Variants in ARL6IP6 observed in about 807,000 individuals in gnomAD.
ARL6IP6 encodes ARF like GTPase 6 interacting protein 6, also known as ADP-ribosylation factor-like protein 6-interacting protein 6.
A neutral mutation model predicts 21.5 loss-of-function variants in ARL6IP6; 22 were observed. The ratio of observed to expected loss-of-function variants is 1.02; its 90% CI spans 0.73 to 1.46. The LOEUF is 1.46. ARL6IP6 is among the 40% of genes most tolerant of loss of function. The probability of loss-of-function intolerance (pLI) is 0.00; values close to 1 mark genes in which losing one functional copy is unlikely to be tolerated. For synonymous variants in ARL6IP6, 164 were observed against 125.3 expected (o/e 1.31, Z -2.06); for missense variants, 388 against 299.8 (o/e 1.29, Z -2.17).
intron 3 of ARL6IP6, among the ~76,000 whole-genome samples, chr2:152,752,052 T>A (rs944393184): frequency 6.6e-6 from 1 of 152,230 alleles, no homozygotes; most frequent in African/African-American, 2.4e-5. Flanking sequence ...TTGATCTAAA[T>A]TACGTAATAA....
intron 2 of ARL6IP6, among the ~76,000 whole-genome samples, chr2:152,734,206 G>T (rs546954091): frequency 6.6e-6 from 1 of 151,742 alleles, no homozygotes; most frequent in South Asian, 2.1e-4. Flanking sequence ...TTATAATATT[G>T]TTCTTTTGAC....
chr2:152,717,736 T>A, upstream of ARL6IP6: 1 of 1,314,862 alleles, frequency 7.6e-7, no homozygotes, highest in Non-Finnish European at 9.8e-7. Flanking sequence ...GTGTCCCAGC[T>A]TCCCGAGCTT....
intron 3 of ARL6IP6, among the ~76,000 whole-genome samples, chr2:152,751,068 T>TA (rs2105176778): frequency 6.6e-6 from 1 of 152,352 alleles, no homozygotes; most frequent in Non-Finnish European, 1.5e-5. Context: ...TTTTTTCTTT[T>TA]ACCTCATTCA....
At chr2:152,721,425 T>C (rs1451396225) in intron 2 of ARL6IP6, among the ~76,000 whole-genome samples, 1 of 152,038 alleles carries the variant, frequency 6.6e-6, no homozygotes, top group Non-Finnish European at 1.5e-5. Flanking sequence ...GTTTCTGCAG[T>C]GTCTGTAGAA....
intron 3 of ARL6IP6, among the ~76,000 whole-genome samples, chr2:152,745,852 AAAGTACATGCATATTGTGT>A (rs1559238302): frequency 6.6e-6 from 1 of 152,136 alleles, no homozygotes; most frequent in African/African-American, 2.4e-5. Flanking sequence ...GTAAAGGGTT[AAAGTACATGCATATTGTGT>A]AAGATATATT....
chr2:152,718,591 C>G, upstream of ARL6IP6: 1 of 1,501,632 alleles, frequency 6.7e-7, no homozygotes, highest in Admixed American at 2.3e-5. Context: ...GTGGGAGAGG[C>G]TCGTTCTCCG....
At chr2:152,718,278 C>T, upstream of ARL6IP6, 2 of 275,080 alleles carry the variant, frequency 7.3e-6, no homozygotes, top group Non-Finnish European at 1.2e-5. Flanking sequence ...TCGGGGCGCG[C>T]GCTCCCGTTG....
intron 1 of ARL6IP6, 138 bp from the exon 2 acceptor site, chr2:152,720,395 A>T: frequency 1.3e-6 from 1 of 781,046 alleles, no homozygotes; most frequent in Non-Finnish European, 2.2e-6. Flanking sequence ...CATAGCTGGT[A>T]AATTGAATCA....
At chr2:152,730,088 T>C (rs1700237478) in intron 2 of ARL6IP6, among the ~76,000 whole-genome samples, 1 of 152,202 alleles carries the variant, frequency 6.6e-6, no homozygotes, top group Non-Finnish European at 1.5e-5. Flanking sequence ...ACCCCTATCA[T>C]TGTGACCTGA....
intron 2 of ARL6IP6, among the ~76,000 whole-genome samples, chr2:152,733,713 A>C (rs757521971): frequency 6.6e-6 from 1 of 152,152 alleles, no homozygotes; most frequent in African/African-American, 2.4e-5. Context: ...ATATGCTTAC[A>C]TTTTCCATCT....
At chr2:152,719,769 AAAAAAC>A (rs1559219921) in intron 1 of ARL6IP6, 9 of 322,084 alleles carry the variant, frequency 2.8e-5, no homozygotes, top group African/African-American at 5.3e-5. Context: ...AAAAAAAAAA[AAAAAAC>A]AAAAGAACTT....
Position 152,762,094 on chromosome 2 carries a change from ACT to A in ARL6IP6, c.*2257_*2258del, listed in dbSNP as rs1218372701. On this transcript the variant is annotated 3_prime_UTR_variant, in exon 4 of 4. Transcript: ENST00000326446. ...ATGATTAGGCAAGGATAGTCACCTAACTCTGGCTGAGCTAATCCTAATCTCAT... is the reference window on the plus strand; with the variant it reads ...ATGATTAGGCAAGGATAGTCACCTAACTGGCTGAGCTAATCCTAATCTCAT... Among the ~76,000 whole-genome samples, 2 of 152,044 alleles carry A rather than the reference ACT, an allele frequency of 1.3e-5. No homozygotes were observed. Among genetic ancestry groups the A allele is most frequent in the African/African-American group, 4.8e-5 (2 of 41,396 alleles).
At chr2:152,743,643 T>C (rs565152599) in intron 3 of ARL6IP6, among the ~76,000 whole-genome samples, 2 of 152,284 alleles carry the variant, frequency 1.3e-5, no homozygotes, top group East Asian at 3.9e-4. Flanking sequence ...AATAGGACTA[T>C]TATTTTATGC....
intron 2 of ARL6IP6, 114 bp from the exon 3 acceptor site, chr2:152,734,880 T>A (rs939843470): frequency 9.1e-7 from 1 of 1,097,146 alleles, no homozygotes; most frequent in Non-Finnish European, 1.3e-6. Flanking sequence ...AAATATCAGA[T>A]CCATATAATT....
At chr2:152,733,031 G>A (rs747836742) in intron 2 of ARL6IP6, among the ~76,000 whole-genome samples, 5 of 152,026 alleles carry the variant, frequency 3.3e-5, no homozygotes, top group Non-Finnish European at 7.4e-5. Context: ...GGTTAGAAAG[G>A]TCTTTATCTC....
At chr2:152,733,618 A>G (rs1174622312) in intron 2 of ARL6IP6, among the ~76,000 whole-genome samples, 1 of 152,058 alleles carries the variant, frequency 6.6e-6, no homozygotes, top group African/African-American at 2.4e-5. Flanking sequence ...TTCCTATACT[A>G]TTTCAATATT....
At chr2:152,756,235 A>G (rs549129985) in intron 3 of ARL6IP6, among the ~76,000 whole-genome samples, 2 of 152,262 alleles carry the variant, frequency 1.3e-5, no homozygotes, top group South Asian at 2.1e-4. Flanking sequence ...TCTTTGGTCT[A>G]TTTTGAGTAT....
intron 2 of ARL6IP6, among the ~76,000 whole-genome samples, chr2:152,728,094 CAT>C (rs201850114): frequency 0.01 from 1,551 of 152,174 alleles, 21 homozygotes; most frequent in African/African-American, 0.036. Context: ...TAATTGGAAT[CAT>C]GTATATTTTG....
At chr2:152,746,695 C>A (rs1414407827) in intron 3 of ARL6IP6, among the ~76,000 whole-genome samples, 2 of 152,076 alleles carry the variant, frequency 1.3e-5, no homozygotes. Flanking sequence ...GATGATAAAG[C>A]AGACATAGTG....
Sources: allele counts gnomAD v4.1 joint callset (sites outside exome capture counted in the v4.1 genomes callset), GRCh38; gene constraint gnomAD v4.1.1; transcripts MANE v1.5; gene names NCBI Gene and HGNC (gene_info 2026-07-23, HGNC 2026-07-21).